The following CDCP2 variants were observed in gnomAD, a reference collection of about 807,000 sequenced individuals.
CDCP2 encodes the protein CUB domain-containing protein 2.
CDCP2 carries 31 observed loss-of-function variants against 31.0 expected under a neutral mutation model. The ratio of observed to expected loss-of-function variants is 1.00; its 90% CI spans 0.75 to 1.35. The LOEUF is 1.35. CDCP2 is among the 40% of genes most tolerant of loss of function. CDCP2 has a pLI of 0.00. For missense variants in CDCP2, 443 were observed against 482.6 expected (o/e 0.92, Z 0.77); for synonymous variants, 206 against 207.9 (o/e 0.99, Z 0.08).
intron 2 of CDCP2, chr1:54,142,368 A>T (rs1570064569): frequency 6.6e-6 from 1 of 152,164 alleles, no homozygotes; most frequent in Non-Finnish European, 1.5e-5. Context: ...TAGCTGTGTG[A>T]CTCTAGGGAA....
chr1:54,150,649 T>C (rs1267041926), intron 1 of CDCP2, among the ~76,000 whole-genome samples: 1 of 151,984 alleles, frequency 6.6e-6, no homozygotes, highest in Non-Finnish European at 1.5e-5. Flanking sequence ...AAAAATCCCC[T>C]GTGGGAACTG....
Position 54,141,128 on chromosome 1 carries a change from C to T in CDCP2, c.733G>A (p.Gly245Ser), listed in dbSNP as rs545170806. ...AAGTAGTAGGCCTTGAAGCCACGGC[C>T]TCCGATGTTGAAGTCGGACTTGAAG... is the stretch of plus-strand genomic sequence containing the variant. Residue 245 changes from glycine to serine, a missense_variant, in exon 3 of 6, where the codon GGC becomes AGC. Coordinates refer to ENST00000530059, the Ensembl canonical transcript of CDCP2. 4 of 1,540,962 alleles carry T rather than the reference C, an allele frequency of 2.6e-6. No homozygotes were observed. In the South Asian group the frequency reaches 3.8e-5, roughly 15 times the overall value.
At chr1:54,137,670 T>A (rs1457754507) in intron 4 of CDCP2, 1 of 103,930 alleles carries the variant, frequency 9.6e-6, no homozygotes, top group Non-Finnish European at 1.9e-5. Flanking sequence ...AGCATGTGTG[T>A]GTGTGTGTGT....
chr1:54,141,106 T>C, exon 3 of CDCP2: 3 of 1,527,402 alleles, frequency 2.0e-6, no homozygotes, highest in East Asian at 4.5e-5. Flanking sequence ...ACCTGAGAAG[T>C]AGTAGGCCTT....
In CDCP2 at chr1:54,145,416, ACT is replaced by A. The variant is rs1472182625; in HGVS notation, c.80-605_80-604del. ...ACTCCAGCCTGGGCAACAGAGCGAG[ACT>A]CTGTCTCAAAAAATAAATAAATAAA... On this transcript the variant is annotated intron_variant, in intron 1 of 5. Transcript: ENST00000530059. Among the ~76,000 whole-genome samples, 3 of 152,192 alleles carry A rather than the reference ACT, an allele frequency of 2.0e-5. No homozygotes were observed. In the East Asian group the frequency reaches 5.8e-4, roughly 29 times the overall value.
At chr1:54,132,991 T>C (rs1331205906) in exon 6 of CDCP2, 1 of 398,988 alleles carries the variant, frequency 2.5e-6, no homozygotes, top group East Asian at 3.6e-5. Context: ...AAGACCACGA[T>C]GGCAATAACC....
At chr1:54,146,819 C>T (rs753638478) in intron 1 of CDCP2, among the ~76,000 whole-genome samples, 1 of 151,652 alleles carries the variant, frequency 6.6e-6, no homozygotes, top group South Asian at 2.1e-4. Flanking sequence ...CCTGGCCAGG[C>T]GCAGTGGCTC....
chr1:54,134,302 C>A (rs969761270), intron 5 of CDCP2, among the ~76,000 whole-genome samples: 5 of 152,322 alleles, frequency 3.3e-5, no homozygotes, highest in Admixed American at 3.3e-4. Context: ...GAGCCCCTGG[C>A]CACCCCAGGG....
At chr1:54,133,224 A>G (rs930709133) in exon 6 of CDCP2, 9 of 398,976 alleles carry the variant, frequency 2.3e-5, no homozygotes, top group Non-Finnish European at 4.0e-5. Context: ...GTACTCATGG[A>G]TGTCCTCCCG....
Position 54,136,629 on chromosome 1 carries a change from C to T in CDCP2, c.1296+1G>A, listed in dbSNP as rs1659261844. 2.5e-6 allele frequency: 1 copy of T among 399,230 alleles called. No homozygotes were observed. The highest frequency in any genetic ancestry group is 4.4e-6 in the Non-Finnish European group (1 of 226,170). 24.7% of individuals were successfully genotyped at this position (399,230 alleles called of 1,614,324 possible). On this transcript the variant is annotated splice_donor_variant, in intron 5 of 5. Transcript: ENST00000530059. LOFTEE classifies it high-confidence loss of function. The stretch of plus-strand genomic sequence containing the variant: ...TGACTGCCCCTTCCCCCAGCCCCTA[C>T]CTGAGACTCAGTGCCGCAGGTATCA...
At chr1:54,140,067 A>C (rs1201295952) in exon 4 of CDCP2, 1 of 1,613,512 alleles carries the variant, frequency 6.2e-7, no homozygotes, top group Non-Finnish European at 8.5e-7. Flanking sequence ...TGGGCTGGAG[A>C]AGTTGCCCCG....
chr1:54,146,290 A>T (rs1287713297), intron 1 of CDCP2, among the ~76,000 whole-genome samples: 1 of 149,060 alleles, frequency 6.7e-6, no homozygotes, highest in Non-Finnish European at 1.5e-5. Context: ...AGCGATTCTC[A>T]TGCCTCAGCC....
Position 54,144,900 on chromosome 1 carries a change from G to C in CDCP2, c.80-87C>G, listed in dbSNP as rs916294732. The C allele has an allele frequency of 4.0e-6, 4 of 1,011,680 alleles. No homozygotes were observed. In the African/African-American group the frequency reaches 6.5e-5, roughly 16 times the overall value. 62.7% of individuals were successfully genotyped at this position (1,011,680 alleles called of 1,614,324 possible). A position where few individuals can be genotyped will look rare whatever the true frequency, so the allele number is the denominator to read the frequency against. On this transcript the variant is annotated intron_variant, in intron 1 of 5. Coordinates refer to ENST00000530059, the Ensembl canonical transcript of CDCP2. ...GGCAGTGGGCCCAGCTACAAAGCTGGGTTCTTGGGATGGGATGAGGGAACA... is the reference window on the plus strand; with the variant it reads ...GGCAGTGGGCCCAGCTACAAAGCTGCGTTCTTGGGATGGGATGAGGGAACA...
upstream of CDCP2, chr1:54,152,978 G>C: frequency 6.5e-7 from 1 of 1,546,732 alleles, no homozygotes; most frequent in Non-Finnish European, 8.9e-7. Context: ...AGGATCTCAG[G>C]GTCCGGAGCA....
At chr1:54,136,674 G>A (rs2183302) in exon 5 of CDCP2, 335,633 of 398,988 alleles carry the variant, frequency 0.84, 142,262 homozygotes, top group East Asian at 0.98. Context: ...TGGATCCTGA[G>A]GTTGCCGCCG....
intron 1 of CDCP2, 33 bp from the exon 2 acceptor site, chr1:54,144,846 G>A (rs11581374): frequency 1.9e-4 from 294 of 1,531,604 alleles, no homozygotes; most frequent in East Asian, 4.7e-4. Flanking sequence ...CTGAGACTCC[G>A]TGCTGGGGTC....
chr1:54,144,495 C>T, exon 2 of CDCP2: 1 of 1,590,308 alleles, frequency 6.3e-7, no homozygotes, highest in East Asian at 2.2e-5. Context: ...AAAGCCATGG[C>T]TGGCCACATG....
Position 54,144,733 on chromosome 1 carries a change from T to G in CDCP2, c.160A>C (p.Thr54Pro), listed in dbSNP as rs757310065. 5.6e-6 allele frequency: 9 copies of G among 1,613,928 alleles called. 1 individual carries two copies. In the Admixed American group the frequency reaches 1.3e-4, roughly 24 times the overall value. ...ACCACGATCAGCCAGCTGCACTCTG[T>G]GTTGTAGGGGTACAGTCTAGGGAAG... The change falls in exon 2 of 6, where the codon ACA becomes CCA. Residue 54 changes from threonine to proline, a missense_variant. By Grantham distance (38) the Thr-to-Pro change is conservative. Transcript: ENST00000530059.
At chr1:54,135,253 A>G (rs1057355797) in intron 5 of CDCP2, among the ~76,000 whole-genome samples, 1 of 152,208 alleles carries the variant, frequency 6.6e-6, no homozygotes, top group African/African-American at 2.4e-5. Context: ...AAGCCACACA[A>G]CATGGGTTGC....
Sources: allele counts gnomAD v4.1 joint callset (sites outside exome capture counted in the v4.1 genomes callset), GRCh38; gene constraint gnomAD v4.1.1; transcripts MANE v1.5; gene names NCBI Gene and HGNC (gene_info 2026-07-23, HGNC 2026-07-21).